AAK1: variants seen among roughly 807,000 people sequenced by gnomAD.
AAK1 encodes the protein AP2-associated protein kinase 1.
In AAK1, 37 loss-of-function variants were observed where a neutral mutation model predicts 116.0. The ratio of observed to expected loss-of-function variants is 0.32; its 90% CI spans 0.25 to 0.42. AAK1 has a LOEUF of 0.42. Among genes scored for constraint, AAK1 ranks in the 10% least tolerant of loss-of-function variants. The pLI is 1.00. For missense variants in AAK1, 919 were observed against 1,170.6 expected, an observed-to-expected ratio of 0.79 and a Z score of 3.14; for synonymous variants, 458 against 439.9, an observed-to-expected ratio of 1.04 and a Z score of -0.51.
chr2:69,512,386 A>AC (rs1676425830), intron 13 of AAK1, among the ~76,000 whole-genome samples: 2 of 152,078 alleles, frequency 1.3e-5, no homozygotes, highest in African/African-American at 2.4e-5. Context: ...CTTTAACATT[A>AC]CCTCATGAGC....
chr2:69,591,251 A>G, intron 2 of AAK1, among the ~76,000 whole-genome samples: 1 of 152,232 alleles, frequency 6.6e-6, no homozygotes, highest in East Asian at 1.9e-4. Context: ...AGCCCAGTTC[A>G]GCACCCAGGC....
chr2:69,528,677 A>G (rs1670119342), intron 8 of AAK1, among the ~76,000 whole-genome samples: 2 of 152,172 alleles, frequency 1.3e-5, no homozygotes, highest in African/African-American at 4.8e-5. Context: ...AGGAGGGCTA[A>G]TGATGATAAA....
intron 13 of AAK1, 139 bp downstream of exon 13, chr2:69,514,332 A>G: frequency 8.9e-7 from 1 of 1,126,642 alleles, no homozygotes; most frequent in Non-Finnish European, 1.2e-6. Context: ...ATATCAAGGA[A>G]AGATCAAATA....
At chr2:69,491,432 CCTT>C (rs1268107904) in intron 17 of AAK1, among the ~76,000 whole-genome samples, 2 of 152,136 alleles carry the variant, frequency 1.3e-5, no homozygotes, top group African/African-American at 4.8e-5. Flanking sequence ...ATATTCCAGA[CCTT>C]CTAAGAAAAT....
Position 69,643,673 on chromosome 2 carries a change from G to T in AAK1, c.-333C>A. ...CGCAGAGAAGAGGCGGCGCTGCAGCGAGAGCCGGGGCCGCGCTCGGCTCCC... is the reference window on the plus strand; with the variant it reads ...CGCAGAGAAGAGGCGGCGCTGCAGCTAGAGCCGGGGCCGCGCTCGGCTCCC... On this transcript the variant is annotated 5_prime_UTR_variant, in exon 1 of 22. Transcript: ENST00000409085. 1 of 1,224,408 alleles carries T rather than the reference G, an allele frequency of 8.2e-7. No individual in the cohort carries two copies. The allele number at this position is 1,224,408 out of a possible 1,614,324, so 75.8% of individuals were successfully genotyped here.
At chr2:69,571,448 C>T (rs1329885468) in intron 2 of AAK1, among the ~76,000 whole-genome samples, 1 of 152,210 alleles carries the variant, frequency 6.6e-6, no homozygotes, top group Non-Finnish European at 1.5e-5. Context: ...CTGTTGGGTT[C>T]TGGGAGGTTC....
rs898462306 is a variant in AAK1 at position 69,459,999 on chromosome 2, A to C, written c.*15870T>G. 1.3e-5 allele frequency: 2 copies of C among 152,202 alleles called. No individual in the cohort carries two copies. Among genetic ancestry groups the C allele is most frequent in the Admixed American group, 6.5e-5 (1 of 15,282 alleles). 9.4% of individuals were successfully genotyped at this position (152,202 alleles called of 1,614,324 possible). A position where few individuals can be genotyped will look rare whatever the true frequency, so the allele number is the denominator to read the frequency against. Reference sequence around the variant, plus strand: ...CAATTCCTCGTTTAGGTGGAGTTGGAACATTAGAACTCAGGGGTGGTTTGG... The same window carrying C: ...CAATTCCTCGTTTAGGTGGAGTTGGCACATTAGAACTCAGGGGTGGTTTGG... On this transcript the variant is annotated 3_prime_UTR_variant, in exon 22 of 22. Coordinates refer to ENST00000409085, the MANE Select transcript of AAK1 (RefSeq NM_014911.5).
At chr2:69,598,243 G>C (rs1673393685) in intron 2 of AAK1, 1 of 520,200 alleles carries the variant, frequency 1.9e-6, no homozygotes, top group Non-Finnish European at 3.1e-6. Context: ...ACTGAAACCA[G>C]AGAAGTTTTT....
rs139398653 is a variant in AAK1, at chr2:69,610,501, G to A, written c.163+32377C>T. ...GCAACAAATGCAAAAATATGCAAAT[G>A]GAACCATAGCAAAAATTAAACACTT... On this transcript the variant is annotated intron_variant, in intron 2 of 21. Transcript: ENST00000409085. Among the ~76,000 whole-genome samples the A allele has an allele frequency of 3.7e-3, 570 of 152,264 alleles. 2 individuals are homozygous for A. Among genetic ancestry groups the A allele is most frequent in the Admixed American group, 5.8e-3 (88 of 15,300 alleles).
intron 16 of AAK1, among the ~76,000 whole-genome samples, chr2:69,504,643 T>A (rs936903788): frequency 6.6e-6 from 1 of 151,980 alleles, no homozygotes; most frequent in African/African-American, 2.4e-5. Context: ...GGCAGGTGCC[T>A]GTAATCCTAG....
chr2:69,597,992 A>G, intron 2 of AAK1: 1 of 329,366 alleles, frequency 3.0e-6, no homozygotes, highest in Non-Finnish European at 5.5e-6. Flanking sequence ...GGTGGAGATA[A>G]GAGATTCTTA....
intron 13 of AAK1, among the ~76,000 whole-genome samples, chr2:69,513,004 A>G (rs1478172317): frequency 6.6e-6 from 1 of 152,180 alleles, no homozygotes; most frequent in Admixed American, 6.5e-5. Flanking sequence ...TCAGTTTCCA[A>G]TTCTGTAAAA....
chr2:69,613,009 A>G, intron 2 of AAK1, among the ~76,000 whole-genome samples: 1 of 152,184 alleles, frequency 6.6e-6, no homozygotes, highest in South Asian at 2.1e-4. Context: ...AGATCTGGAG[A>G]CCAGGAAAAT....
chr2:69,502,864 C>CA (rs1232129298), intron 16 of AAK1, among the ~76,000 whole-genome samples: 8 of 151,998 alleles, frequency 5.3e-5, no homozygotes, highest in Non-Finnish European at 8.8e-5. Flanking sequence ...AGGATATAAA[C>CA]AAAAATTTAG....
chr2:69,470,034 T>C lies in AAK1; in HGVS notation c.*5835A>G. On this transcript the variant is annotated 3_prime_UTR_variant, in exon 22 of 22. Coordinates refer to ENST00000409085, the MANE Select transcript of AAK1 (RefSeq NM_014911.5). Reference sequence around the variant, plus strand: ...TGAATCATTTAGGATGGGTTTCCCCTGGAAACTCCATCTGATTGACATAGT... The same window carrying C: ...TGAATCATTTAGGATGGGTTTCCCCCGGAAACTCCATCTGATTGACATAGT... 4.1e-6 allele frequency: 4 copies of C among 985,456 alleles called. No individual in the cohort carries two copies. Among genetic ancestry groups the C allele is most frequent in the Non-Finnish European group, 4.8e-6 (4 of 829,930 alleles). The allele number at this position is 985,456 out of a possible 1,614,324, so 61.0% of individuals were successfully genotyped here.
chr2:69,624,712 C>A (rs1210670213), intron 2 of AAK1, among the ~76,000 whole-genome samples: 1 of 152,146 alleles, frequency 6.6e-6, no homozygotes. Flanking sequence ...GTTTCCTAGT[C>A]CCCAACACTA....
At chr2:69,543,846 T>A (rs189860125) in intron 4 of AAK1, among the ~76,000 whole-genome samples, 27 of 152,246 alleles carry the variant, frequency 1.8e-4, no homozygotes, top group African/African-American at 6.5e-4. Context: ...CTGAAAAAAA[T>A]TCATGCTACA....
chr2:69,467,792 T>C lies in AAK1; in HGVS notation c.*8077A>G. 1 of 985,420 alleles carries C rather than the reference T, an allele frequency of 1.0e-6. No individual in the cohort carries two copies. 61.0% of individuals were successfully genotyped at this position (985,420 alleles called of 1,614,324 possible). A position where few individuals can be genotyped will look rare whatever the true frequency, so the allele number is the denominator to read the frequency against. On this transcript the variant is annotated 3_prime_UTR_variant, in exon 22 of 22. Coordinates refer to ENST00000409085, the MANE Select transcript of AAK1 (RefSeq NM_014911.5). Reference sequence around the variant, plus strand: ...CACACAGACCACAGCAGAAGAGGCATTAAAATCAGTTTATTGGGAAACCAG... The same window carrying C: ...CACACAGACCACAGCAGAAGAGGCACTAAAATCAGTTTATTGGGAAACCAG...
Position 69,469,445 on chromosome 2 carries a change from A to T in AAK1, c.*6424T>A. On this transcript the variant is annotated 3_prime_UTR_variant, in exon 22 of 22. Coordinates refer to ENST00000409085, the MANE Select transcript of AAK1 (RefSeq NM_014911.5). ...ACAGGGAAAATGTGTTTTCAGGGTG[A>T]ACAGTTCCTTTATATGAAGGTAGCA... 1 of 985,490 alleles carries T rather than the reference A, an allele frequency of 1.0e-6. No homozygotes were observed. The highest frequency in any genetic ancestry group is 1.2e-6 in the Non-Finnish European group (1 of 829,946). The allele number at this position is 985,490 out of a possible 1,614,324, so 61.0% of individuals were successfully genotyped here. A position where few individuals can be genotyped will look rare whatever the true frequency, so the allele number is the denominator to read the frequency against.
Sources: gnomAD v4.1 joint callset for allele counts (sites outside exome capture counted in the v4.1 genomes callset) on GRCh38, gnomAD v4.1.1 for gene constraint, MANE v1.5 for transcripts, NCBI Gene and HGNC (gene_info 2026-07-23, HGNC 2026-07-21) for gene names.